Variants in LINGO1 observed in about 807,000 individuals in gnomAD.
The protein encoded by LINGO1 is leucine-rich repeat and immunoglobulin-like domain-containing nogo receptor-interacting protein 1.
Under a neutral mutation model 37.3 loss-of-function variants are expected in LINGO1, and 11 were observed. The observed-to-expected ratio is 0.29, with a 90% CI of 0.19 to 0.49. The LOEUF is 0.49. LINGO1 is among the 20% of genes least tolerant of loss of function. LINGO1 has a pLI of 0.99. For synonymous variants in LINGO1, 387 were observed against 403.0 expected (o/e 0.96, Z 0.48); for missense variants, 585 against 878.2 (o/e 0.67, Z 4.22).
intron 1 of LINGO1, among the ~76,000 whole-genome samples, chr15:77,801,828 G>C (rs2076921604): frequency 1.3e-5 from 2 of 152,188 alleles, no homozygotes; most frequent in Admixed American, 1.3e-4. Flanking sequence ...GGTCGACAGG[G>C]TCAGAAGGTT....
chr15:77,636,544 G>T (rs532837073), upstream of LINGO1, among the ~76,000 whole-genome samples: 102 of 152,204 alleles, frequency 6.7e-4, no homozygotes, highest in African/African-American at 2.3e-3. Context: ...TCCAGCTGGG[G>T]GGCCCTGTGG....
chr15:77,718,657 G>C (rs1401249210), intron 2 of LINGO1, among the ~76,000 whole-genome samples: 1 of 150,820 alleles, frequency 6.6e-6, no homozygotes, highest in Non-Finnish European at 1.5e-5. Context: ...AGGGGTCTAG[G>C]GACCCATTAG....
intron 3 of LINGO1, among the ~76,000 whole-genome samples, chr15:77,669,992 G>A (rs1170772045): frequency 1.3e-5 from 2 of 152,162 alleles, no homozygotes; most frequent in African/African-American, 2.4e-5. Context: ...ATAGCCATAC[G>A]ATGGAATATC....
intron 1 of LINGO1, among the ~76,000 whole-genome samples, chr15:77,627,310 A>G (rs994836264): frequency 1.3e-5 from 2 of 152,030 alleles, no homozygotes; most frequent in Non-Finnish European, 2.9e-5. Flanking sequence ...CGTGGAATCA[A>G]TCGTTGGTGT....
chr15:77,743,981 G>A (rs986445805), intron 1 of LINGO1, among the ~76,000 whole-genome samples: 6 of 152,134 alleles, frequency 3.9e-5, no homozygotes, highest in African/African-American at 1.4e-4. Flanking sequence ...TCTACTATAC[G>A]CCAGGTCCTG....
chr15:77,719,316 C>G lies in LINGO1; in HGVS notation c.-195+15676G>C, dbSNP rs937894942. The stretch of plus-strand genomic sequence containing the variant: ...TCCTGCCAGCACCAGCACCAAGACA[C>G]TTCTACTCGGGGCTTCTGGGACCCC... On this transcript the variant is annotated intron_variant, in intron 2 of 3. Transcript: ENST00000561686. 3.3e-5 allele frequency among the ~76,000 whole-genome samples: 5 copies of G among 150,150 alleles called. 1 individual carries two copies. The highest frequency in any genetic ancestry group is 2.0e-4 in the Admixed American group (3 of 15,006).
chr15:77,712,638 C>T (rs1168641497), intron 2 of LINGO1, among the ~76,000 whole-genome samples: 2 of 152,162 alleles, frequency 1.3e-5, no homozygotes, highest in African/African-American at 2.4e-5. Context: ...GGCAGTGGCC[C>T]CACCTCCACT....
At chr15:77,723,356 A>AGT (rs2076070224) in intron 2 of LINGO1, among the ~76,000 whole-genome samples, 1 of 152,166 alleles carries the variant, frequency 6.6e-6, no homozygotes, top group Non-Finnish European at 1.5e-5. Flanking sequence ...ACCTGCTAAG[A>AGT]GTCATCCTGC....
At chr15:77,770,078 G>A (rs2076569181) in intron 1 of LINGO1, among the ~76,000 whole-genome samples, 2 of 152,150 alleles carry the variant, frequency 1.3e-5, no homozygotes, top group African/African-American at 2.4e-5. Context: ...CTTGGGGCCT[G>A]AGTCCCAGGA....
At chr15:77,745,148 C>T (rs2076301483) in intron 1 of LINGO1, among the ~76,000 whole-genome samples, 2 of 143,422 alleles carry the variant, frequency 1.4e-5, no homozygotes, top group Admixed American at 1.4e-4. Flanking sequence ...AAAAAAAAGG[C>T]TGGGCACGGT....
At chr15:77,778,614 C>T (rs2076684913) in intron 1 of LINGO1, among the ~76,000 whole-genome samples, 1 of 152,214 alleles carries the variant, frequency 6.6e-6, no homozygotes, top group Non-Finnish European at 1.5e-5. Flanking sequence ...TCTCATCCTG[C>T]AGCAGATCCA....
At chr15:77,665,828 T>C (rs2075117724) in intron 3 of LINGO1, among the ~76,000 whole-genome samples, 1 of 152,156 alleles carries the variant, frequency 6.6e-6, no homozygotes, top group Admixed American at 6.5e-5. Context: ...TGGTACTCAT[T>C]CCTCTCCCTC....
chr15:77,752,198 C>T (rs746230634), intron 1 of LINGO1, among the ~76,000 whole-genome samples: 2 of 152,194 alleles, frequency 1.3e-5, no homozygotes, highest in Non-Finnish European at 2.9e-5. Flanking sequence ...CCTGCCTGCC[C>T]CAGCCCCTCT....
chr15:77,657,908 C>CA (rs2074900795), intron 3 of LINGO1, among the ~76,000 whole-genome samples: 2 of 152,190 alleles, frequency 1.3e-5, no homozygotes, highest in Non-Finnish European at 2.9e-5. Context: ...TGCACCAAGA[C>CA]GTGACAAAAA....
chr15:77,660,683 T>C (rs1421195631), intron 3 of LINGO1, among the ~76,000 whole-genome samples: 1 of 152,230 alleles, frequency 6.6e-6, no homozygotes, highest in African/African-American at 2.4e-5. Flanking sequence ...AGGGACTTCA[T>C]ACATGCACAG....
intron 1 of LINGO1, among the ~76,000 whole-genome samples, chr15:77,753,391 A>T (rs536213225): frequency 6.6e-6 from 1 of 152,158 alleles, no homozygotes; most frequent in South Asian, 2.1e-4. Context: ...GGTCAGAATG[A>T]CCTGTGGAGG....
intron 3 of LINGO1, chr15:77,647,914 C>G (rs750546338): frequency 2.4e-5 from 11 of 456,634 alleles, no homozygotes; most frequent in South Asian, 1.7e-4. Context: ...TGCACATTCC[C>G]CTTCTCTATG....
At chr15:77,665,475 T>A (rs1227001155) in intron 3 of LINGO1, among the ~76,000 whole-genome samples, 3 of 152,212 alleles carry the variant, frequency 2.0e-5, no homozygotes, top group African/African-American at 7.2e-5. Context: ...CTCTTCTGCC[T>A]ATTGGAGGGG....
At chr15:77,661,563 G>A (rs2074993769) in intron 3 of LINGO1, among the ~76,000 whole-genome samples, 1 of 152,244 alleles carries the variant, frequency 6.6e-6, no homozygotes, top group South Asian at 2.1e-4. Flanking sequence ...CTCAGCGCCA[G>A]ACACTATCTG....
Sources: gnomAD v4.1 joint callset for allele counts (sites outside exome capture counted in the v4.1 genomes callset) on GRCh38, gnomAD v4.1.1 for gene constraint, MANE v1.5 for transcripts, NCBI Gene and HGNC (gene_info 2026-07-23, HGNC 2026-07-21) for gene names.